NCOR2: variants seen among roughly 807,000 people sequenced by gnomAD.
The protein encoded by NCOR2 is CTG repeat protein 26.
Under a neutral mutation model 262.9 loss-of-function variants are expected in NCOR2, and 81 were observed. The ratio of observed to expected loss-of-function variants is 0.31; its 90% CI spans 0.26 to 0.37. The LOEUF is 0.37. Among genes scored for constraint, NCOR2 ranks in the 10% least tolerant of loss-of-function variants. NCOR2 has a pLI of 1.00. For synonymous variants in NCOR2, 1,659 were observed against 1,559.3 expected (o/e 1.06, Z -1.51); for missense variants, 3,385 against 3,621.4 (o/e 0.93, Z 1.68).
At chr12:124,400,802 AAG>A (rs1194670629) in intron 14 of NCOR2, 129 bp from the exon 17 acceptor site, 3 of 1,223,130 alleles carry the variant, frequency 2.5e-6, no homozygotes, top group Admixed American at 2.2e-5. Context: ...GACGCTAGGA[AAG>A]AGGGGGAGAG....
intron 16 of NCOR2, among the ~76,000 whole-genome samples, chr12:124,396,722 A>AG (rs1450789316): frequency 4.0e-5 from 6 of 151,730 alleles, no homozygotes; most frequent in African/African-American, 1.5e-4. Flanking sequence ...GGCGAGGGGC[A>AG]GGGTCCCGGG....
chr12:124,461,741 A>G (rs989468751), intron 5 of NCOR2, among the ~76,000 whole-genome samples: 1 of 152,244 alleles, frequency 6.6e-6, no homozygotes, highest in Non-Finnish European at 1.5e-5. Context: ...ACGTGTACCC[A>G]TGTGAACACA....
intron 20 of NCOR2, among the ~76,000 whole-genome samples, chr12:124,369,258 C>T (rs763172174): frequency 3.3e-5 from 5 of 152,286 alleles, no homozygotes; most frequent in African/African-American, 7.2e-5. Context: ...TATCTCTGGT[C>T]GTCTGCCAAG....
At chr12:124,512,165 G>A (rs2049430019) in intron 1 of NCOR2, among the ~76,000 whole-genome samples, 1 of 152,142 alleles carries the variant, frequency 6.6e-6, no homozygotes, top group African/African-American at 2.4e-5. Context: ...GCCCACCTCG[G>A]CCTCCCAAAG....
chr12:124,452,350 T>C (rs2045599608), intron 6 of NCOR2, among the ~76,000 whole-genome samples: 1 of 152,178 alleles, frequency 6.6e-6, no homozygotes, highest in East Asian at 1.9e-4. Context: ...GCAGGCCAGG[T>C]GCAAGCGGAC....
chr12:124,386,310 C>T (rs1227527606), intron 16 of NCOR2, among the ~76,000 whole-genome samples: 1 of 151,518 alleles, frequency 6.6e-6, no homozygotes, highest in Non-Finnish European at 1.5e-5. Flanking sequence ...CCCTGACACT[C>T]GCTCACAGCT....
At chr12:124,325,854 G>A (rs1243190610) in intron 46 of NCOR2, among the ~76,000 whole-genome samples, 1 of 152,086 alleles carries the variant, frequency 6.6e-6, no homozygotes, top group African/African-American at 2.4e-5. Context: ...GGGGCCTTCT[G>A]ACCCTATGTT....
chr12:124,404,937 G>T (rs2042198405), intron 13 of NCOR2, among the ~76,000 whole-genome samples: 1 of 152,360 alleles, frequency 6.6e-6, no homozygotes, highest in South Asian at 2.1e-4. Flanking sequence ...GAGGAAACAG[G>T]CTCAGAGAGG....
chr12:124,405,305 G>A (rs2042219538), intron 13 of NCOR2, among the ~76,000 whole-genome samples: 1 of 152,214 alleles, frequency 6.6e-6, no homozygotes, highest in Admixed American at 6.5e-5. Flanking sequence ...GTGCAATCCT[G>A]GCACCAAGCC....
intron 22 of NCOR2, among the ~76,000 whole-genome samples, chr12:124,358,116 T>C (rs2038145549): frequency 7.4e-6 from 1 of 134,922 alleles, no homozygotes; most frequent in Admixed American, 7.3e-5. Flanking sequence ...CGTGCGTGCG[T>C]GTGAGTGCAT....
At chr12:124,351,311 C>T (rs548643436) in intron 27 of NCOR2, among the ~76,000 whole-genome samples, 3 of 152,286 alleles carry the variant, frequency 2.0e-5, no homozygotes, top group South Asian at 2.1e-4. Flanking sequence ...GGCAGCACAC[C>T]GGAAATTTTA....
chr12:124,416,733 C>T (rs1042649371), intron 13 of NCOR2, among the ~76,000 whole-genome samples: 4 of 147,404 alleles, frequency 2.7e-5, no homozygotes, highest in East Asian at 2.2e-4. Context: ...AGGGAGTCCC[C>T]GCGGCACAGA....
chr12:124,553,453 GCCCCACCCCACA>G (rs2137266855), intron 1 of NCOR2, among the ~76,000 whole-genome samples: 1 of 152,258 alleles, frequency 6.6e-6, no homozygotes, highest in South Asian at 2.1e-4. Context: ...AACTCCCAAG[GCCCCACCCCACA>G]GATTCTGAAC....
chr12:124,389,011 C>T lies in NCOR2; in HGVS notation c.1877-3124G>A, dbSNP rs2041062889. 6.6e-6 allele frequency among the ~76,000 whole-genome samples: 1 copy of T among 152,154 alleles called. No individual in the cohort carries two copies. Among genetic ancestry groups the T allele is most frequent in the Non-Finnish European group, 1.5e-5 (1 of 68,000 alleles). The stretch of plus-strand genomic sequence containing the variant: ...CCGGGGCTCCTCCAGCGGCCGCTGC[C>T]ACCTCTGACGCCGTCCCCAAGCCGC... On this transcript the variant is annotated intron_variant, in intron 16 of 46. Transcript: ENST00000405201. The surrounding 1 kb of genome is among the most constrained non-coding windows in gnomAD (Gnocchi z 4.4).
chr12:124,421,244 A>G (rs1032561834), intron 12 of NCOR2, among the ~76,000 whole-genome samples: 1 of 152,214 alleles, frequency 6.6e-6, no homozygotes, highest in Non-Finnish European at 1.5e-5. Context: ...CCCCTCTGGA[A>G]GCTCTACTGA....
At chr12:124,411,083 G>GGAGA (rs10567535) in intron 13 of NCOR2, among the ~76,000 whole-genome samples, 1 of 124,822 alleles carries the variant, frequency 8.0e-6, no homozygotes, top group African/African-American at 3.1e-5. Flanking sequence ...AGAGAGAAGG[G>GGAGA]GAGAGAGAGA....
At chr12:124,433,606 G>T (rs1415697801) in intron 8 of NCOR2, among the ~76,000 whole-genome samples, 1 of 152,154 alleles carries the variant, frequency 6.6e-6, no homozygotes, top group Non-Finnish European at 1.5e-5. Context: ...TCTGCCTTCT[G>T]CCCAGAACAA....
At position 124,495,178 on chromosome 12, in the gene NCOR2, G is replaced by C. The variant is rs1315158078; in HGVS notation, c.74C>G (p.Ser25Cys). The change falls in exon 1 of 47, where the codon TCC becomes TGC. Residue 25 changes from serine (S) to cysteine (C), a missense_variant. This residue lies in a region of NCOR2 where 237 missense variants were observed against 229.4 expected (regional missense o/e 1.03). Transcript: ENST00000405201. The surrounding 1 kb of genome is among the most constrained non-coding windows in gnomAD (Gnocchi z 4.4). ...CGTCCGGGCGATCTGCACTGGGTAG[G>C]AAAGGCTGTGGGGCGGGTAGCGGGG... 1 of 1,614,020 alleles carries C rather than the reference G, an allele frequency of 6.2e-7. No homozygotes were observed. The highest frequency in any genetic ancestry group is 8.5e-7 in the Non-Finnish European group (1 of 1,179,974).
Position 124,481,602 on chromosome 12 carries a change from G to C in NCOR2, c.411+1994C>G, listed in dbSNP as rs1343518527. Among the ~76,000 whole-genome samples, 3 of 152,324 alleles carry C rather than the reference G, an allele frequency of 2.0e-5. No homozygotes were observed. In the East Asian group the frequency reaches 5.8e-4, roughly 29 times the overall value. ...AGGTCCCCAGGTGGGAATGTGCCTGGCGTGTTTGAGGAACTCCAGGGTGGC... is the reference window on the plus strand; with the variant it reads ...AGGTCCCCAGGTGGGAATGTGCCTGCCGTGTTTGAGGAACTCCAGGGTGGC... On this transcript the variant is annotated intron_variant, in intron 3 of 46. Coordinates refer to ENST00000405201, the Ensembl canonical transcript of NCOR2. The surrounding 1 kb of genome is among the most constrained non-coding windows in gnomAD (Gnocchi z 4.6).
Sources: gnomAD v4.1 joint callset for allele counts (sites outside exome capture counted in the v4.1 genomes callset) on GRCh38, gnomAD v4.1.1 for gene constraint, gnomAD v4.1.1 regional missense constraint, Gnocchi (gnomAD v3.1) non-coding constraint, MANE v1.5 for transcripts, NCBI Gene and HGNC (gene_info 2026-07-23, HGNC 2026-07-21) for gene names.